PPP1R12A: variants seen among roughly 807,000 people sequenced by gnomAD.
The protein encoded by PPP1R12A is myosin binding subunit.
A neutral mutation model predicts 139.6 loss-of-function variants in PPP1R12A; 19 were observed. The ratio of observed to expected loss-of-function variants is 0.14; its 90% confidence interval spans 0.09 to 0.20. PPP1R12A has a LOEUF of 0.20. Among genes scored for constraint, PPP1R12A ranks in the 10% least tolerant of loss-of-function variants. The pLI is 1.00. For synonymous variants in PPP1R12A, 427 were observed against 420.6 expected (o/e 1.02, Z -0.19); for missense variants, 925 against 1,211.5 (o/e 0.76, Z 3.51).
At chr12:79,934,597 G>GC in intron 1 of PPP1R12A, 98 bp downstream of exon 1, 1 of 1,136,864 alleles carries the variant, frequency 8.8e-7, no homozygotes, top group South Asian at 1.7e-5. Context: ...GTCTCCCGCC[G>GC]CCCCCAGCCT....
chr12:79,791,406 C>A (rs1487264149), intron 19 of PPP1R12A, among the ~76,000 whole-genome samples: 1 of 152,154 alleles, frequency 6.6e-6, no homozygotes, highest in South Asian at 2.1e-4. Flanking sequence ...CAGCTCACTA[C>A]AGCCTCGACC....
intron 2 of PPP1R12A, among the ~76,000 whole-genome samples, chr12:79,850,789 C>T (rs891526573): frequency 3.3e-5 from 5 of 152,092 alleles, no homozygotes; most frequent in South Asian, 4.1e-4. Context: ...AGAGTTCTCA[C>T]GAGATATGGC....
At chr12:79,867,507 A>G (rs1447273545) in intron 2 of PPP1R12A, among the ~76,000 whole-genome samples, 1 of 129,908 alleles carries the variant, frequency 7.7e-6, no homozygotes, top group Non-Finnish European at 1.7e-5. Context: ...CAAATGCATG[A>G]GCTCCTAATA....
chr12:79,797,067 A>C, intron 16 of PPP1R12A, 117 bp from the exon 17 acceptor site: 1 of 1,369,454 alleles, frequency 7.3e-7, no homozygotes. Context: ...AAAGTAATTC[A>C]AATTTCCAGC....
At chr12:79,810,039 A>G (rs1323653344) in intron 9 of PPP1R12A, 29 bp from the exon 10 acceptor site, 21 of 1,534,600 alleles carry the variant, frequency 1.4e-5, no homozygotes, top group Non-Finnish European at 1.8e-5. Flanking sequence ...TTAGGAAAAG[A>G]AAAAAGAATT....
intron 1 of PPP1R12A, among the ~76,000 whole-genome samples, chr12:79,892,254 GCA>G (rs1884719085): frequency 6.6e-6 from 1 of 152,020 alleles, no homozygotes; most frequent in Admixed American, 6.6e-5. Flanking sequence ...CTCTCCACTT[GCA>G]CAAATTCAAA....
In PPP1R12A at chr12:79,921,079, C is replaced by A. The variant is rs559824174; in HGVS notation, c.237+13616G>T. ...AGGGTACTGTTGGTATATTTTTGCTCAAAAATGTGTCTTCTCAGCACTTAG... is the reference window on the plus strand; with the variant it reads ...AGGGTACTGTTGGTATATTTTTGCTAAAAAATGTGTCTTCTCAGCACTTAG... On this transcript the variant is annotated intron_variant, in intron 1 of 24. Coordinates refer to ENST00000450142, the MANE Select transcript of PPP1R12A (RefSeq NM_002480.3). 2.6e-5 allele frequency among the ~76,000 whole-genome samples: 4 copies of A among 152,156 alleles called. No homozygotes were observed. The East Asian group carries it at 5.8e-4, about 22-fold the overall frequency.
intron 3 of PPP1R12A, among the ~76,000 whole-genome samples, 154 bp downstream of exon 3, chr12:79,845,148 A>C (rs538734521): frequency 6.6e-6 from 1 of 152,360 alleles, no homozygotes; most frequent in African/African-American, 2.4e-5. Context: ...AGAATATTTT[A>C]GAAAACAGAA....
chr12:79,884,353 A>C (rs1227956056), intron 1 of PPP1R12A, among the ~76,000 whole-genome samples: 1 of 152,202 alleles, frequency 6.6e-6, no homozygotes, highest in Non-Finnish European at 1.5e-5. Flanking sequence ...ACCAATACCA[A>C]AAGCAATTAA....
intron 19 of PPP1R12A, among the ~76,000 whole-genome samples, chr12:79,791,803 C>A (rs1871908160): frequency 6.6e-6 from 1 of 152,224 alleles, no homozygotes; most frequent in African/African-American, 2.4e-5. Context: ...ATCCAATGAA[C>A]AACTTCCTTT....
At chr12:79,907,243 G>T (rs1407968730) in intron 1 of PPP1R12A, among the ~76,000 whole-genome samples, 1 of 152,088 alleles carries the variant, frequency 6.6e-6, no homozygotes, top group East Asian at 1.9e-4. Context: ...AGAACAGGCA[G>T]ACTCTGTCCT....
At chr12:79,852,357 AT>A (rs953304885) in intron 2 of PPP1R12A, among the ~76,000 whole-genome samples, 17 of 148,058 alleles carry the variant, frequency 1.1e-4, no homozygotes, top group South Asian at 4.3e-4. Context: ...CGCCTGGCTA[AT>A]TTTTTTTTTC....
chr12:79,800,891 G>A (rs530988857), intron 14 of PPP1R12A, among the ~76,000 whole-genome samples: 16 of 151,668 alleles, frequency 1.1e-4, no homozygotes, highest in South Asian at 4.2e-4. Flanking sequence ...CTGCCACCAC[G>A]CCTGGCTAAT....
intron 2 of PPP1R12A, among the ~76,000 whole-genome samples, chr12:79,847,048 C>CT (rs1879499822): frequency 6.6e-6 from 1 of 151,872 alleles, no homozygotes; most frequent in Admixed American, 6.6e-5. Flanking sequence ...AAAAAGTACA[C>CT]GTCCACAGAG....
intron 1 of PPP1R12A, among the ~76,000 whole-genome samples, chr12:79,900,177 C>G (rs1885506869): frequency 6.6e-6 from 1 of 152,124 alleles, no homozygotes; most frequent in South Asian, 2.1e-4. Flanking sequence ...CAAAAAAATT[C>G]AAAATGCAGA....
intron 3 of PPP1R12A, among the ~76,000 whole-genome samples, chr12:79,841,550 C>A (rs1408201201): frequency 6.6e-6 from 1 of 152,160 alleles, no homozygotes; most frequent in Non-Finnish European, 1.5e-5. Flanking sequence ...CTAAAATCAG[C>A]CCCGCTTACA....
chr12:79,919,879 T>A (rs1457554248), intron 1 of PPP1R12A, among the ~76,000 whole-genome samples: 1 of 152,210 alleles, frequency 6.6e-6, no homozygotes, highest in African/African-American at 2.4e-5. Flanking sequence ...TTCACTTTTT[T>A]AAATGTTTGA....
At chr12:79,837,773 T>C (rs2137176464) in intron 3 of PPP1R12A, among the ~76,000 whole-genome samples, 1 of 152,304 alleles carries the variant, frequency 6.6e-6, no homozygotes, top group South Asian at 2.1e-4. Flanking sequence ...AAGGACGTGT[T>C]TGCTTCTCCT....
At chr12:79,824,084 T>C (rs557903600) in intron 5 of PPP1R12A, 1 of 152,114 alleles carries the variant, frequency 6.6e-6, no homozygotes, top group Admixed American at 6.6e-5. Flanking sequence ...TAACAAACTT[T>C]CCTCCCATTT....
Sources: allele counts gnomAD v4.1 joint callset (sites outside exome capture counted in the v4.1 genomes callset), GRCh38; gene constraint gnomAD v4.1.1; transcripts MANE v1.5; gene names NCBI Gene and HGNC (gene_info 2026-07-23, HGNC 2026-07-21).